The following STARD9 variants were observed in gnomAD, a reference collection of about 807,000 sequenced individuals.
STARD9 encodes the protein stAR-related lipid transfer protein 9.
In STARD9, 346 loss-of-function variants were observed where a neutral mutation model predicts 399.8. The observed-to-expected ratio is 0.87, with a 90% confidence interval of 0.79 to 0.95. The LOEUF is 0.95. Ranked by LOEUF, STARD9 falls within the 40% of genes least tolerant of loss-of-function variation. The probability of loss-of-function intolerance (pLI) is 0.00; values close to 1 mark genes in which losing one functional copy is unlikely to be tolerated. For missense variants in STARD9, 5,832 were observed against 5,667.5 expected, an observed-to-expected ratio of 1.03 and a Z score of -0.93; for synonymous variants, 2,203 against 2,143.5, an observed-to-expected ratio of 1.03 and a Z score of -0.77.
At chr15:42,717,232 C>T (rs558460070) in intron 28 of STARD9, among the ~76,000 whole-genome samples, 184 bp downstream of exon 28, 3 of 152,106 alleles carry the variant, frequency 2.0e-5, no homozygotes, top group Non-Finnish European at 4.4e-5. Context: ...TGCCTATAAT[C>T]CCAACATTTT....
intron 3 of STARD9, among the ~76,000 whole-genome samples, chr15:42,611,600 C>G (rs1430153690): frequency 6.6e-6 from 1 of 152,204 alleles, no homozygotes; most frequent in African/African-American, 2.4e-5. Context: ...TACTGCCACC[C>G]TCATTGTCCT....
At chr15:42,597,875 T>C (rs2058539044) in intron 3 of STARD9, among the ~76,000 whole-genome samples, 1 of 152,096 alleles carries the variant, frequency 6.6e-6, no homozygotes, top group Admixed American at 6.5e-5. Flanking sequence ...TTTCACCATG[T>C]TGGCCAGGCT....
At chr15:42,696,284 A>G (rs1261790736) in intron 26 of STARD9, among the ~76,000 whole-genome samples, 1 of 152,216 alleles carries the variant, frequency 6.6e-6, no homozygotes, top group Admixed American at 6.5e-5. Flanking sequence ...CTCCGAACAG[A>G]ATGTGTTTAA....
chr15:42,691,550 A>T lies in STARD9; in HGVS notation c.9972A>T (p.Pro3324=). The T allele has an allele frequency of 2.6e-6, 4 of 1,537,148 alleles. No individual in the cohort carries two copies. The highest frequency in any genetic ancestry group is 3.5e-6 in the Non-Finnish European group (4 of 1,146,890). ...AACACTCCAGGTCCTCCCCCACACC[A>T]CAGTTCTCAGTTGTCGGCTCTTCTC... is the stretch of plus-strand genomic sequence containing the variant. ...GPKHSRSSPT[P]QFSVVGSSRS... The change falls in exon 23 of 33, where the codon CCA becomes CCT. Residue 3324 remains proline, a synonymous_variant. Coordinates refer to ENST00000290607, the MANE Select transcript of STARD9 (RefSeq NM_020759.3).
chr15:42,638,193 A>G (rs1744624952), intron 6 of STARD9, 106 bp downstream of exon 6: 8 of 992,354 alleles, frequency 8.1e-6, no homozygotes, highest in Non-Finnish European at 1.2e-5. Context: ...ACAGGGATGG[A>G]GAAAAGCCAC....
intron 9 of STARD9, among the ~76,000 whole-genome samples, chr15:42,654,291 C>T (rs1403392870): frequency 6.6e-6 from 1 of 152,056 alleles, no homozygotes; most frequent in Non-Finnish European, 1.5e-5. Context: ...GCCTAAGGTA[C>T]AAATTTTCAG....
chr15:42,593,651 C>CTTT (rs2058444254), intron 3 of STARD9, among the ~76,000 whole-genome samples: 1 of 102,568 alleles, frequency 9.7e-6, no homozygotes, highest in East Asian at 3.2e-4. Context: ...TATGGTTGTG[C>CTTT]TTCTTTTTTT....
At chr15:42,581,916 T>G (rs745495968) in intron 1 of STARD9, among the ~76,000 whole-genome samples, 7 of 152,164 alleles carry the variant, frequency 4.6e-5, no homozygotes, top group Non-Finnish European at 8.8e-5. Flanking sequence ...TTTTGGAGAC[T>G]GAGGCAGGAG....
chr15:42,582,052 A>G (rs141134483), intron 1 of STARD9, among the ~76,000 whole-genome samples: 1 of 152,292 alleles, frequency 6.6e-6, no homozygotes, highest in African/African-American at 2.4e-5. Flanking sequence ...GGTGGAAGAA[A>G]TGCTTAAGCC....
At chr15:42,706,934 G>A (rs1242316233) in intron 26 of STARD9, among the ~76,000 whole-genome samples, 1 of 151,820 alleles carries the variant, frequency 6.6e-6, no homozygotes, top group Non-Finnish European at 1.5e-5. Context: ...TGCATTCCTG[G>A]AATAAATCCT....
intron 14 of STARD9, 123 bp downstream of exon 14, chr15:42,665,453 G>A: frequency 2.6e-6 from 2 of 777,970 alleles, no homozygotes; most frequent in Non-Finnish European, 4.1e-6. Context: ...TTACGGCAGA[G>A]ACAGGAGCAA....
intron 1 of STARD9, chr15:42,581,356 TGGA>T: frequency 6.9e-7 from 1 of 1,448,586 alleles, no homozygotes; most frequent in Non-Finnish European, 9.7e-7. Context: ...CCTGGTGTGG[TGGA>T]GAAGAGCGTC....
At chr15:42,699,618 T>C (rs142114926) in intron 26 of STARD9, among the ~76,000 whole-genome samples, 2,170 of 151,776 alleles carry the variant, frequency 0.014, 17 homozygotes, top group Non-Finnish European at 0.017. Flanking sequence ...TGGTCTCGAT[T>C]TCCTGACCTC....
chr15:42,655,595 A>G (rs760050203), intron 9 of STARD9, among the ~76,000 whole-genome samples: 10 of 152,244 alleles, frequency 6.6e-5, no homozygotes, highest in Non-Finnish European at 1.3e-4. Context: ...CTCAAGATAG[A>G]TGAAAGACTT....
intron 1 of STARD9, among the ~76,000 whole-genome samples, chr15:42,576,552 C>T (rs1176756843): frequency 6.6e-6 from 1 of 152,062 alleles, no homozygotes; most frequent in Non-Finnish European, 1.5e-5. Flanking sequence ...AAGGGACTAA[C>T]TAGAGGTTAA....
At chr15:42,599,306 A>G (rs1487159721) in intron 3 of STARD9, among the ~76,000 whole-genome samples, 1 of 152,204 alleles carries the variant, frequency 6.6e-6, no homozygotes, top group Admixed American at 6.5e-5. Context: ...AAAGTTTCAA[A>G]TATACATGAA....
chr15:42,655,940 A>G (rs143763017), intron 9 of STARD9, among the ~76,000 whole-genome samples: 1 of 152,336 alleles, frequency 6.6e-6, no homozygotes, highest in African/African-American at 2.4e-5. Flanking sequence ...TTCTCAAAAG[A>G]AGATATACAA....
chr15:42,641,398 G>A (rs868449854), intron 7 of STARD9, among the ~76,000 whole-genome samples: 1 of 151,844 alleles, frequency 6.6e-6, no homozygotes, highest in African/African-American at 2.4e-5. Flanking sequence ...TAAGTACTAG[G>A]GTACATGTGC....
intron 7 of STARD9, 76 bp downstream of exon 7, chr15:42,638,888 G>T: frequency 1.3e-6 from 1 of 781,066 alleles, no homozygotes; most frequent in Non-Finnish European, 2.0e-6. Context: ...CTAATTCATT[G>T]AACATAGGTG....
Sources: gnomAD v4.1 joint callset for allele counts (sites outside exome capture counted in the v4.1 genomes callset) on GRCh38, gnomAD v4.1.1 for gene constraint, MANE v1.5 for transcripts, NCBI Gene and HGNC (gene_info 2026-07-23, HGNC 2026-07-21) for gene names.